The following MAL2 variants were observed in gnomAD, a reference collection of about 807,000 sequenced individuals.
MAL2 encodes the protein mal, T cell differentiation protein 2.
A neutral mutation model predicts 18.1 loss-of-function variants in MAL2; 17 were observed. The observed-to-expected ratio is 0.94, with a 90% CI of 0.64 to 1.41. MAL2 has a LOEUF of 1.41. Among genes scored for constraint, MAL2 ranks in the 40% most tolerant of loss-of-function variants. MAL2 has a pLI of 0.00. For synonymous variants in MAL2, 102 were observed against 102.3 expected (o/e 1.00, Z 0.02); for missense variants, 222 against 231.9 (o/e 0.96, Z 0.28).
chr8:119,225,277 C>A (rs1024926296), intron 2 of MAL2, among the ~76,000 whole-genome samples: 17 of 152,096 alleles, frequency 1.1e-4, no homozygotes, highest in Admixed American at 9.8e-4. Flanking sequence ...CCACTCCCCC[C>A]ACCCCACAAC....
chr8:119,208,459 G>T lies in MAL2; in HGVS notation c.-14G>T. On this transcript the variant is annotated 5_prime_UTR_variant, in exon 1 of 4. Transcript: ENST00000614891. The surrounding 1 kb of genome is among the most constrained non-coding windows in gnomAD (Gnocchi z 4.3). ...GGCGGCGGCGCGCGGAGACGCAGCA[G>T]CGGCAGCGGCAGCATGTCGGCCGGC... 1 of 1,230,216 alleles carries T rather than the reference G, an allele frequency of 8.1e-7. No individual in the cohort carries two copies. Among genetic ancestry groups the T allele is most frequent in the Non-Finnish European group, 1.0e-6 (1 of 984,974 alleles). 76.2% of individuals were successfully genotyped at this position (1,230,216 alleles called of 1,614,324 possible).
intron 1 of MAL2, among the ~76,000 whole-genome samples, chr8:119,214,031 T>G (rs548729453): frequency 6.6e-6 from 1 of 152,272 alleles, no homozygotes; most frequent in African/African-American, 2.4e-5. Context: ...AGAAGAGATT[T>G]GTTTTGTAGA....
intron 2 of MAL2, among the ~76,000 whole-genome samples, chr8:119,224,580 G>GT (rs1164592893): frequency 6.6e-6 from 1 of 151,838 alleles, no homozygotes; most frequent in East Asian, 1.9e-4. Flanking sequence ...GGTACATGTG[G>GT]TTTTTTATTA....
At chr8:119,210,836 G>C (rs913252093) in intron 1 of MAL2, among the ~76,000 whole-genome samples, 1 of 152,130 alleles carries the variant, frequency 6.6e-6, no homozygotes, top group Non-Finnish European at 1.5e-5. Flanking sequence ...AACTCAATAA[G>C]TTTACATTTT....
At chr8:119,222,691 G>A (rs930037402) in intron 2 of MAL2, among the ~76,000 whole-genome samples, 1 of 151,624 alleles carries the variant, frequency 6.6e-6, no homozygotes, top group African/African-American at 2.4e-5. Flanking sequence ...ATCTGGACAT[G>A]GTGTTGCACT....
At chr8:119,240,850 G>A (rs1818033396) in intron 3 of MAL2, among the ~76,000 whole-genome samples, 1 of 152,102 alleles carries the variant, frequency 6.6e-6, no homozygotes, top group South Asian at 2.1e-4. Context: ...TAGATGATAG[G>A]CAGATGAAAT....
rs1587151252 is a variant in MAL2 at position 119,245,199 on chromosome 8, C to T, written c.*1711C>T. The stretch of plus-strand genomic sequence containing the variant: ...AGATCTTTTCTATAATATCCTACTA[C>T]TTTGGTTTTCCTAGCTCCATACCAC... On this transcript the variant is annotated 3_prime_UTR_variant, in exon 4 of 4. Coordinates refer to ENST00000614891, the MANE Select transcript of MAL2 (RefSeq NM_052886.3). 1 of 152,674 alleles carries T rather than the reference C, an allele frequency of 6.5e-6. No homozygotes were observed. Among genetic ancestry groups the T allele is most frequent in the East Asian group, 1.9e-4 (1 of 5,176 alleles). The allele number at this position is 152,674 out of a possible 1,614,324, so 9.5% of individuals were successfully genotyped here. A position where few individuals can be genotyped will look rare whatever the true frequency, so the allele number is the denominator to read the frequency against.
rs1412025566 is a variant in MAL2 at position 119,243,905 on chromosome 8, T to G, written c.*417T>G. The G allele has an allele frequency of 6.5e-6, 1 of 153,670 alleles. No homozygotes were observed. Among genetic ancestry groups the G allele is most frequent in the Non-Finnish European group, 1.4e-5 (1 of 69,102 alleles). The allele number at this position is 153,670 out of a possible 1,614,324, so 9.5% of individuals were successfully genotyped here. ...TAGGCTTCCCACTAAACTCTATATTTTAGTGTAAACCAGGAATTGGCACAC... is the reference window on the plus strand; with the variant it reads ...TAGGCTTCCCACTAAACTCTATATTGTAGTGTAAACCAGGAATTGGCACAC... On this transcript the variant is annotated 3_prime_UTR_variant, in exon 4 of 4. Coordinates refer to ENST00000614891, the MANE Select transcript of MAL2 (RefSeq NM_052886.3).
In MAL2 at chr8:119,224,796, T is replaced by C. The variant is rs1817549351; in HGVS notation, c.303+3039T>C. ...ACTTACAACTGAGAACATACAATAT[T>C]TGGTTTTCAAATAATAAGTGAGTTA... On this transcript the variant is annotated intron_variant, in intron 2 of 3. Coordinates refer to ENST00000614891, the MANE Select transcript of MAL2 (RefSeq NM_052886.3). 2.6e-5 allele frequency among the ~76,000 whole-genome samples: 4 copies of C among 152,306 alleles called. No homozygotes were observed. The South Asian group carries it at 8.3e-4, about 32-fold the overall frequency.
chr8:119,243,129 G>A (rs1818079597), intron 3 of MAL2, among the ~76,000 whole-genome samples: 1 of 152,158 alleles, frequency 6.6e-6, no homozygotes, highest in Non-Finnish European at 1.5e-5. Flanking sequence ...ATACTTAAGT[G>A]AGCCCAGAAT....
Position 119,240,272 on chromosome 8 carries a change from G to T in MAL2, c.411G>T (p.Gly137=), listed in dbSNP as rs751126959. 3 of 1,612,790 alleles carry T rather than the reference G, an allele frequency of 1.9e-6. No individual in the cohort carries two copies. Among genetic ancestry groups the T allele is most frequent in the African/African-American group, 1.3e-5 (1 of 74,978 alleles). Residue 137 remains glycine, a synonymous_variant, in exon 3 of 4, where the codon GGG becomes GGT. Transcript: ENST00000614891. ...HDLHCNTTIT[G]QPLLSDNQYN... The stretch of plus-strand genomic sequence containing the variant: ...TGCATTGCAATACAACCATAACCGG[G>T]CAGCCACTCCTGAGTGATAACCAGT...
At chr8:119,231,308 A>C (rs1258469762) in intron 2 of MAL2, among the ~76,000 whole-genome samples, 1 of 152,374 alleles carries the variant, frequency 6.6e-6, no homozygotes, top group Admixed American at 6.5e-5. Flanking sequence ...CTGGGATTAC[A>C]GGCGTGAGCC....
intron 2 of MAL2, among the ~76,000 whole-genome samples, chr8:119,235,538 C>T (rs1817865920): frequency 2.5e-5 from 2 of 80,024 alleles, no homozygotes; most frequent in African/African-American, 6.2e-5. Flanking sequence ...ATGTTAAGGG[C>T]AGCCAGAGAG....
At chr8:119,225,223 A>G (rs1005165264) in intron 2 of MAL2, among the ~76,000 whole-genome samples, 1 of 151,802 alleles carries the variant, frequency 6.6e-6, no homozygotes, top group African/African-American at 2.4e-5. Flanking sequence ...GCACCCATTA[A>G]CTCATCATTT....
chr8:119,223,642 C>T (rs1172411779), intron 2 of MAL2, among the ~76,000 whole-genome samples: 2 of 152,184 alleles, frequency 1.3e-5, no homozygotes, highest in East Asian at 3.9e-4. Flanking sequence ...TCTTTTAGCT[C>T]AGTAGCTGTT....
chr8:119,217,534 A>G (rs1291297556), intron 1 of MAL2, among the ~76,000 whole-genome samples: 1 of 152,170 alleles, frequency 6.6e-6, no homozygotes, highest in Admixed American at 6.5e-5. Flanking sequence ...AGAAATTTCA[A>G]ATTGAGGTGC....
At chr8:119,211,936 C>T (rs1472556208) in intron 1 of MAL2, among the ~76,000 whole-genome samples, 1 of 152,158 alleles carries the variant, frequency 6.6e-6, no homozygotes, top group South Asian at 2.1e-4. Flanking sequence ...AAAAATCACT[C>T]ATCGGGTATT....
At position 119,208,486 on chromosome 8, in the gene MAL2, G is replaced by A; in HGVS notation, c.14G>A (p.Gly5Glu). ...GGCAGCGGCAGCATGTCGGCCGGCG[G>A]AGCGTCAGTCCCGCCGCCCCCGAAC... is the stretch of plus-strand genomic sequence containing the variant. MSAG[G>E]ASVPPPPNPA... is the part of the protein sequence containing the mutation. Residue 5 changes from glycine (G) to glutamate (E), a missense_variant, in exon 1 of 4, where the codon GGA becomes GAA. Transcript: ENST00000614891. The surrounding 1 kb of genome is among the most constrained non-coding windows in gnomAD (Gnocchi z 4.3). The A allele has an allele frequency of 2.3e-6, 3 of 1,279,362 alleles. No homozygotes were observed. The highest frequency in any genetic ancestry group is 3.0e-6 in the Non-Finnish European group (3 of 1,012,434). 79.3% of individuals were successfully genotyped at this position (1,279,362 alleles called of 1,614,324 possible).
chr8:119,231,056 G>A (rs928372072), intron 2 of MAL2, among the ~76,000 whole-genome samples: 1 of 151,986 alleles, frequency 6.6e-6, no homozygotes, highest in African/African-American at 2.4e-5. Flanking sequence ...TTTTGAGGCA[G>A]AGTCTTGCTC....
Sources: gnomAD v4.1 joint callset for allele counts (sites outside exome capture counted in the v4.1 genomes callset) on GRCh38, gnomAD v4.1.1 for gene constraint, Gnocchi (gnomAD v3.1) non-coding constraint, MANE v1.5 for transcripts, NCBI Gene and HGNC (gene_info 2026-07-23, HGNC 2026-07-21) for gene names.